BMP5: variants seen among roughly 807,000 people sequenced by gnomAD.
BMP5 encodes bone morphogenetic protein 5.
BMP5 carries 23 observed loss-of-function variants against 46.6 expected under a neutral mutation model. The observed-to-expected ratio is 0.49, with a 90% CI of 0.35 to 0.70. The LOEUF (loss-of-function observed/expected upper bound fraction) is 0.70, where lower values mean the gene tolerates loss of function less well. Ranked by LOEUF, BMP5 falls within the 30% of genes least tolerant of loss-of-function variation. The pLI is 0.00. For synonymous variants in BMP5, 204 were observed against 191.9 expected (o/e 1.06, Z -0.52); for missense variants, 545 against 565.6 (o/e 0.96, Z 0.37).
intron 1 of BMP5, among the ~76,000 whole-genome samples, chr6:55,845,071 A>G (rs900701668): frequency 2.0e-5 from 3 of 152,062 alleles, no homozygotes; most frequent in Non-Finnish European, 4.4e-5. Context: ...TCTTTAAGTT[A>G]TTTGAAACAT....
chr6:55,834,900 G>T (rs1237808585), intron 1 of BMP5, among the ~76,000 whole-genome samples: 1 of 152,100 alleles, frequency 6.6e-6, no homozygotes, highest in Non-Finnish European at 1.5e-5. Flanking sequence ...GGCTAACATG[G>T]CGAATCCATG....
chr6:55,775,919 GAA>G (rs201998264), intron 3 of BMP5, among the ~76,000 whole-genome samples: 6 of 130,058 alleles, frequency 4.6e-5, no homozygotes, highest in East Asian at 2.3e-4. Context: ...GGTATTGGTT[GAA>G]AAAAAAAAAA....
chr6:55,837,247 A>T (rs1776824808), intron 1 of BMP5, among the ~76,000 whole-genome samples: 1 of 152,090 alleles, frequency 6.6e-6, no homozygotes, highest in Non-Finnish European at 1.5e-5. Flanking sequence ...TAATTAACAC[A>T]GTATGTTTAA....
intron 1 of BMP5, among the ~76,000 whole-genome samples, chr6:55,832,491 C>A (rs1638314156): frequency 6.6e-6 from 1 of 152,148 alleles, no homozygotes; most frequent in Admixed American, 6.6e-5. Context: ...CTGAAAGAAT[C>A]CACTAAGCAC....
intron 1 of BMP5, among the ~76,000 whole-genome samples, chr6:55,863,210 A>T (rs1014656850): frequency 6.6e-6 from 1 of 152,196 alleles, no homozygotes; most frequent in African/African-American, 2.4e-5. Flanking sequence ...AGGGCTATAT[A>T]CTGCGGTAAT....
chr6:55,852,032 T>C (rs925322675), intron 1 of BMP5, among the ~76,000 whole-genome samples: 1 of 152,246 alleles, frequency 6.6e-6, no homozygotes, highest in South Asian at 2.1e-4. Context: ...CCCCAAAGTA[T>C]TGTTTTTATA....
chr6:55,817,042 A>G (rs1407534579), intron 2 of BMP5, among the ~76,000 whole-genome samples: 1 of 152,196 alleles, frequency 6.6e-6, no homozygotes, highest in Non-Finnish European at 1.5e-5. Context: ...AATCAAAACC[A>G]CAATGAGATA....
intron 2 of BMP5, among the ~76,000 whole-genome samples, chr6:55,800,405 T>C (rs772813389): frequency 6.6e-6 from 1 of 152,254 alleles, no homozygotes; most frequent in Non-Finnish European, 1.5e-5. Context: ...TATCTACCTA[T>C]GCTTATACAA....
At chr6:55,773,141 C>T (rs1478174111) in intron 4 of BMP5, among the ~76,000 whole-genome samples, 1 of 151,942 alleles carries the variant, frequency 6.6e-6, no homozygotes. Flanking sequence ...ATCCATCATG[C>T]CTGGCAGAGT....
chr6:55,870,778 G>T lies in BMP5; in HGVS notation c.490+3598C>A, dbSNP rs144998880. On this transcript the variant is annotated intron_variant, in intron 1 of 6. Transcript: ENST00000370830. ...TGATTAGGGTAAGTAGGCAAAAAAGGTTTAGTTTTTGAAAGCGTTTTTCTT... is the reference window on the plus strand; with the variant it reads ...TGATTAGGGTAAGTAGGCAAAAAAGTTTTAGTTTTTGAAAGCGTTTTTCTT... 2.5e-3 allele frequency among the ~76,000 whole-genome samples: 376 copies of T among 152,088 alleles called. 2 individuals carry two copies. The highest frequency in any genetic ancestry group is 8.5e-3 in the African/African-American group (351 of 41,532).
At chr6:55,816,113 A>G (rs546957606) in intron 2 of BMP5, among the ~76,000 whole-genome samples, 126 of 152,238 alleles carry the variant, frequency 8.3e-4, no homozygotes, top group Non-Finnish European at 1.5e-3. Flanking sequence ...CTTAGGATAT[A>G]AATAACCAAC....
At chr6:55,793,273 G>A (rs1775618147) in intron 3 of BMP5, among the ~76,000 whole-genome samples, 1 of 152,050 alleles carries the variant, frequency 6.6e-6, no homozygotes, top group Non-Finnish European at 1.5e-5. Flanking sequence ...TGAATTGCCT[G>A]CCCCCCAACT....
intron 2 of BMP5, among the ~76,000 whole-genome samples, chr6:55,797,225 T>G (rs1775736989): frequency 6.6e-6 from 1 of 152,178 alleles, no homozygotes; most frequent in Non-Finnish European, 1.5e-5. Flanking sequence ...GGATTTATTT[T>G]GAAGTATAAA....
At chr6:55,855,838 A>C (rs1015369722) in intron 1 of BMP5, among the ~76,000 whole-genome samples, 1 of 152,174 alleles carries the variant, frequency 6.6e-6, no homozygotes, top group Non-Finnish European at 1.5e-5. Context: ...TCCTCTCTTA[A>C]TATAGCTGTT....
At chr6:55,861,697 C>T (rs1777529458) in intron 1 of BMP5, among the ~76,000 whole-genome samples, 2 of 152,338 alleles carry the variant, frequency 1.3e-5, no homozygotes, top group South Asian at 2.1e-4. Context: ...TTGGTAAACT[C>T]ATTATTACAG....
chr6:55,869,283 G>C (rs1360210820), intron 1 of BMP5, among the ~76,000 whole-genome samples: 1 of 152,088 alleles, frequency 6.6e-6, no homozygotes, highest in African/African-American at 2.4e-5. Context: ...TTTGGTATGA[G>C]GTAGACTGAG....
rs1289336786 is a variant in BMP5 at position 55,874,944 on chromosome 6, G to A, written c.-79C>T. ...AAAAAAAAACCTAAGGTTCTAGGAG[G>A]TACAGTTTCCCAGTAGCTGAAAAAA... On this transcript the variant is annotated 5_prime_UTR_variant, in exon 1 of 7. Coordinates refer to ENST00000370830, the MANE Select transcript of BMP5 (RefSeq NM_021073.4). 2.0e-6 allele frequency: 3 copies of A among 1,532,594 alleles called. No individual in the cohort carries two copies. The African/African-American group carries it at 4.2e-5, about 22-fold the overall frequency. 94.9% of individuals were successfully genotyped at this position (1,532,594 alleles called of 1,614,324 possible).
At chr6:55,862,383 T>A (rs1407990840) in intron 1 of BMP5, among the ~76,000 whole-genome samples, 1 of 152,192 alleles carries the variant, frequency 6.6e-6, no homozygotes, top group East Asian at 1.9e-4. Flanking sequence ...CTTATACCAA[T>A]TCTCAGAATC....
chr6:55,768,514 G>A (rs1435514144), intron 4 of BMP5, among the ~76,000 whole-genome samples: 1 of 151,846 alleles, frequency 6.6e-6, no homozygotes, highest in Non-Finnish European at 1.5e-5. Flanking sequence ...CATGTGTAAG[G>A]GAGGCTAGGC....
Sources: gnomAD v4.1 joint callset for allele counts (sites outside exome capture counted in the v4.1 genomes callset) on GRCh38, gnomAD v4.1.1 for gene constraint, MANE v1.5 for transcripts, NCBI Gene and HGNC (gene_info 2026-07-23, HGNC 2026-07-21) for gene names.